Variants in SOX6 observed in about 807,000 individuals in gnomAD.
The protein encoded by SOX6 is transcription factor SOX-6.
SOX6 carries 11 observed loss-of-function variants against 97.8 expected under a neutral mutation model. The ratio of observed to expected loss-of-function variants is 0.11; its 90% confidence interval spans 0.07 to 0.19. The LOEUF (loss-of-function observed/expected upper bound fraction) is 0.19, where lower values mean the gene tolerates loss of function less well. Ranked by LOEUF, SOX6 falls within the 10% of genes least tolerant of loss-of-function variation. SOX6 has a pLI of 1.00. For synonymous variants in SOX6, 360 were observed against 371.4 expected, an observed-to-expected ratio of 0.97 and a Z score of 0.35; for missense variants, 810 against 1,039.5, an observed-to-expected ratio of 0.78 and a Z score of 3.04.
rs562223495 is a variant in SOX6, at chr11:16,203,861, C to T, written c.536-16906G>A. The stretch of plus-strand genomic sequence containing the variant: ...TAAAAAACCATGGTAGAAATTCTAC[C>T]GGCATTGCAACTCTACCAAGATAAA... On this transcript the variant is annotated intron_variant, in intron 4 of 15. Transcript: ENST00000683767. Among the ~76,000 whole-genome samples the T allele has an allele frequency of 4.5e-4, 69 of 151,900 alleles. No individual in the cohort carries two copies. In the South Asian group the frequency reaches 9.8e-3, roughly 22 times the overall value.
intron 4 of SOX6, among the ~76,000 whole-genome samples, chr11:16,202,939 A>T (rs1010995286): frequency 6.6e-6 from 1 of 152,176 alleles, no homozygotes; most frequent in East Asian, 1.9e-4. Flanking sequence ...CTATGACATG[A>T]CTGGGAAAAA....
chr11:16,496,835 T>A (rs1860606636), intron 4 of SOX6, among the ~76,000 whole-genome samples: 1 of 152,140 alleles, frequency 6.6e-6, no homozygotes, highest in African/African-American at 2.4e-5. Flanking sequence ...TCAAACTGGG[T>A]GGAGCCCACC....
intron 1 of SOX6, among the ~76,000 whole-genome samples, chr11:16,426,039 G>A (rs1284937666): frequency 6.6e-6 from 1 of 151,562 alleles, no homozygotes; most frequent in African/African-American, 2.4e-5. Context: ...GGTGGATCAC[G>A]AGGTCAGGAG....
chr11:16,020,773 T>C (rs1031919739), intron 12 of SOX6, among the ~76,000 whole-genome samples: 38 of 152,278 alleles, frequency 2.5e-4, no homozygotes, highest in African/African-American at 8.9e-4. Context: ...AATCGGACTT[T>C]TGGTTCATGT....
At chr11:16,718,087 T>TA (rs1848231691) in intron 2 of SOX6, among the ~76,000 whole-genome samples, 1 of 152,048 alleles carries the variant, frequency 6.6e-6, no homozygotes, top group Non-Finnish European at 1.5e-5. Flanking sequence ...TTTATTTCTT[T>TA]AGTCCTTGAA....
chr11:16,306,657 G>A (rs1164307547), intron 3 of SOX6, among the ~76,000 whole-genome samples: 3 of 110,602 alleles, frequency 2.7e-5, no homozygotes, highest in Admixed American at 1.4e-4. Flanking sequence ...ACAGATTCTC[G>A]CTCTGTCACC....
At chr11:16,544,387 T>C in intron 4 of SOX6, among the ~76,000 whole-genome samples, 1 of 152,134 alleles carries the variant, frequency 6.6e-6, no homozygotes, top group East Asian at 1.9e-4. Flanking sequence ...TTCTCCAAAG[T>C]AGCTGAGACC....
chr11:16,678,480 C>A (rs1847901490), intron 3 of SOX6, among the ~76,000 whole-genome samples: 1 of 152,090 alleles, frequency 6.6e-6, no homozygotes, highest in African/African-American at 2.4e-5. Context: ...AAACCGGTAC[C>A]ACTTCAAGAT....
chr11:16,501,523 A>C (rs1298092885), intron 4 of SOX6, among the ~76,000 whole-genome samples: 1 of 151,532 alleles, frequency 6.6e-6, no homozygotes, highest in African/African-American at 2.4e-5. Context: ...GTGAACAGGC[A>C]ACCTACAGAA....
At chr11:16,504,894 G>T (rs1358657593) in intron 4 of SOX6, among the ~76,000 whole-genome samples, 1 of 152,112 alleles carries the variant, frequency 6.6e-6, no homozygotes, top group Non-Finnish European at 1.5e-5. Context: ...ATAATTATAA[G>T]TTTCCTGAGA....
chr11:16,215,948 A>G (rs1294601084), intron 4 of SOX6, among the ~76,000 whole-genome samples: 1 of 152,206 alleles, frequency 6.6e-6, no homozygotes, highest in African/African-American at 2.4e-5. Context: ...AATAATGTCT[A>G]GAGTAGATGT....
intron 1 of SOX6, among the ~76,000 whole-genome samples, chr11:16,418,019 C>T (rs192241777): frequency 0.011 from 1,721 of 152,184 alleles, 19 homozygotes; most frequent in South Asian, 0.016. Flanking sequence ...TACGTTTCCT[C>T]GACTACTCAT....
chr11:16,429,060 C>A (rs554738438), intron 1 of SOX6, among the ~76,000 whole-genome samples: 65 of 152,158 alleles, frequency 4.3e-4, no homozygotes, highest in African/African-American at 1.5e-3. Context: ...ATGCAGCCAA[C>A]AATCATATAA....
At chr11:16,400,161 C>T (rs1450031692) in intron 1 of SOX6, among the ~76,000 whole-genome samples, 1 of 151,378 alleles carries the variant, frequency 6.6e-6, no homozygotes, top group East Asian at 1.9e-4. Context: ...AATTACCTGC[C>T]ATCATAGACC....
intron 10 of SOX6, among the ~76,000 whole-genome samples, chr11:16,051,316 G>A (rs1471344893): frequency 3.3e-5 from 5 of 152,012 alleles, no homozygotes; most frequent in Admixed American, 1.3e-4. Flanking sequence ...TGACAAAATC[G>A]CTTGTCTAAG....
At chr11:16,077,962 C>T (rs1848394772) in intron 9 of SOX6, among the ~76,000 whole-genome samples, 1 of 152,052 alleles carries the variant, frequency 6.6e-6, no homozygotes, top group Non-Finnish European at 1.5e-5. Flanking sequence ...AGATGAAATA[C>T]TCAATCTCTC....
intron 4 of SOX6, among the ~76,000 whole-genome samples, chr11:16,558,019 A>T (rs182038301): frequency 2.1e-4 from 32 of 152,046 alleles, no homozygotes; most frequent in South Asian, 2.1e-4. Context: ...TTAGCCAAAC[A>T]TCTAAAATAT....
chr11:16,138,536 T>A (rs1179557901), intron 6 of SOX6, among the ~76,000 whole-genome samples: 4 of 151,848 alleles, frequency 2.6e-5, no homozygotes, highest in African/African-American at 2.4e-5. Context: ...GTTGTTTTTA[T>A]TTTTTTATTT....
At chr11:16,452,471 C>T (rs1378445298) in intron 1 of SOX6, among the ~76,000 whole-genome samples, 2 of 152,252 alleles carry the variant, frequency 1.3e-5, no homozygotes, top group Non-Finnish European at 2.9e-5. Flanking sequence ...AAAGACTATA[C>T]AAGAATGAGA....
Sources: gnomAD v4.1 joint callset for allele counts (sites outside exome capture counted in the v4.1 genomes callset) on GRCh38, gnomAD v4.1.1 for gene constraint, MANE v1.5 for transcripts, NCBI Gene and HGNC (gene_info 2026-07-23, HGNC 2026-07-21) for gene names.